The following MAPK8 variants were observed in gnomAD, a reference collection of about 807,000 sequenced individuals.
The protein encoded by MAPK8 is JUN N-terminal kinase.
A neutral mutation model predicts 52.9 loss-of-function variants in MAPK8; 13 were observed. The observed-to-expected ratio is 0.25, with a 90% CI of 0.16 to 0.39. The LOEUF (loss-of-function observed/expected upper bound fraction) is 0.39. Among genes scored for constraint, MAPK8 ranks in the 10% least tolerant of loss-of-function variants. MAPK8 has a pLI of 1.00. For synonymous variants in MAPK8, 191 were observed against 169.8 expected, an observed-to-expected ratio of 1.12 and a Z score of -0.97; for missense variants, 300 against 519.2, an observed-to-expected ratio of 0.58 and a Z score of 4.10.
intron 1 of MAPK8, among the ~76,000 whole-genome samples, chr10:48,325,177 T>C (rs560091514): frequency 6.6e-6 from 1 of 152,106 alleles, no homozygotes; most frequent in Non-Finnish European, 1.5e-5. Context: ...GGTTTCACCA[T>C]ATTGGCCAGG....
intron 1 of MAPK8, among the ~76,000 whole-genome samples, chr10:48,334,118 G>A (rs937851615): frequency 5.3e-5 from 8 of 152,144 alleles, no homozygotes; most frequent in Non-Finnish European, 1.0e-4. Context: ...GCTGCAGGAC[G>A]GCTCCACAGA....
chr10:48,390,858 T>TG (rs1789448595), intron 1 of MAPK8, among the ~76,000 whole-genome samples: 2 of 152,254 alleles, frequency 1.3e-5, no homozygotes, highest in South Asian at 4.1e-4. Flanking sequence ...GTTCTAACTC[T>TG]GTGAAGAGCC....
chr10:48,418,397 TA>T (rs1310251981), intron 5 of MAPK8, among the ~76,000 whole-genome samples: 1 of 152,178 alleles, frequency 6.6e-6, no homozygotes, highest in African/African-American at 2.4e-5. Flanking sequence ...GACTCAGGCT[TA>T]TTTCCTTTGC....
chr10:48,334,838 A>G (rs1844519957), intron 1 of MAPK8, among the ~76,000 whole-genome samples: 1 of 152,152 alleles, frequency 6.6e-6, no homozygotes, highest in Non-Finnish European at 1.5e-5. Context: ...GTAGGCACAC[A>G]CACCCACGGC....
intron 1 of MAPK8, among the ~76,000 whole-genome samples, chr10:48,323,621 G>A (rs1564480127): frequency 6.6e-6 from 1 of 152,118 alleles, no homozygotes; most frequent in Admixed American, 6.5e-5. Context: ...AAGAGTTTTT[G>A]TTTTTGATTC....
At chr10:48,429,793 T>C (rs1334962800) in intron 10 of MAPK8, 1 of 152,206 alleles carries the variant, frequency 6.6e-6, no homozygotes, top group African/African-American at 2.4e-5. Context: ...TTGTTTTACC[T>C]TATTACCAAT....
At chr10:48,333,577 G>C (rs1222016308) in intron 1 of MAPK8, among the ~76,000 whole-genome samples, 23 of 152,232 alleles carry the variant, frequency 1.5e-4, no homozygotes, top group Non-Finnish European at 3.4e-4. Flanking sequence ...ATGAGGGCCT[G>C]GTTTAGCTCT....
At chr10:48,318,852 AAG>A (rs1215267010) in intron 1 of MAPK8, among the ~76,000 whole-genome samples, 3 of 152,240 alleles carry the variant, frequency 2.0e-5, no homozygotes, top group Non-Finnish European at 4.4e-5. Context: ...GTAACAGGCT[AAG>A]TTTGCTTGTC....
chr10:48,407,155 C>T (rs570924170), intron 3 of MAPK8, among the ~76,000 whole-genome samples: 47 of 152,168 alleles, frequency 3.1e-4, no homozygotes, highest in Non-Finnish European at 5.4e-4. Flanking sequence ...TCTGACTTTT[C>T]ACTTGTGGGC....
intron 1 of MAPK8, among the ~76,000 whole-genome samples, chr10:48,369,391 A>G (rs1229809035): frequency 1.3e-5 from 2 of 152,156 alleles, no homozygotes; most frequent in Admixed American, 6.6e-5. Context: ...GATGATAGCA[A>G]TCCCTGAGCT....
At chr10:48,372,675 GAA>G (rs906470647) in intron 1 of MAPK8, among the ~76,000 whole-genome samples, 6 of 138,048 alleles carry the variant, frequency 4.3e-5, no homozygotes, top group Admixed American at 2.2e-4. Flanking sequence ...AGATTAGAGA[GAA>G]AAAAAAAAAG....
At chr10:48,389,552 ATCTTTCTCTTTC>A (rs1462186834) in intron 1 of MAPK8, among the ~76,000 whole-genome samples, 1 of 152,186 alleles carries the variant, frequency 6.6e-6, no homozygotes, top group Admixed American at 6.5e-5. Context: ...AAGATTAATC[ATCTTTCTCTTTC>A]TCTTTCTCTC....
At chr10:48,379,747 A>G (rs1402171584) in intron 1 of MAPK8, among the ~76,000 whole-genome samples, 2 of 152,118 alleles carry the variant, frequency 1.3e-5, no homozygotes, top group African/African-American at 4.8e-5. Context: ...TTGGCTTAGC[A>G]ATCTTCATTA....
At chr10:48,390,857 C>T (rs2041585349) in intron 1 of MAPK8, among the ~76,000 whole-genome samples, 1 of 152,166 alleles carries the variant, frequency 6.6e-6, no homozygotes. Context: ...TGTTCTAACT[C>T]TGTGAAGAGC....
At position 48,319,248 on chromosome 10, in the gene MAPK8, T is replaced by G. The variant is rs952673020; in HGVS notation, c.-50+12427T>G. Among the ~76,000 whole-genome samples, 4 of 152,346 alleles carry G rather than the reference T, an allele frequency of 2.6e-5. No individual in the cohort carries two copies. The East Asian group carries it at 7.7e-4, about 29-fold the overall frequency. ...GAATTTTTTAACGGTTTTATTGAGA[T>G]ATAATTCACATACCATTATAGTTAT... On this transcript the variant is annotated intron_variant, in intron 1 of 11. Transcript: ENST00000374189.
At chr10:48,323,556 A>T (rs549419258) in intron 1 of MAPK8, among the ~76,000 whole-genome samples, 1 of 152,202 alleles carries the variant, frequency 6.6e-6, no homozygotes, top group Non-Finnish European at 1.5e-5. Flanking sequence ...AATGATACTG[A>T]TTTTGATTTA....
At chr10:48,380,051 G>A (rs914830709) in intron 1 of MAPK8, among the ~76,000 whole-genome samples, 1 of 151,272 alleles carries the variant, frequency 6.6e-6, no homozygotes, top group Non-Finnish European at 1.5e-5. Context: ...AGACCAGCCT[G>A]ACCAACATGA....
At position 48,343,052 on chromosome 10, in the gene MAPK8, A is replaced by G. The variant is rs915959842; in HGVS notation, c.-50+36231A>G. 2.0e-4 allele frequency among the ~76,000 whole-genome samples: 30 copies of G among 152,348 alleles called. 1 individual carries two copies. The highest frequency in any genetic ancestry group is 1.4e-3 in the Admixed American group (22 of 15,304). The stretch of plus-strand genomic sequence containing the variant: ...AAGAACTGATTTCAGCAAACCTAGG[A>G]CAGTGAATTATTAAAGAAGTTACCG... On this transcript the variant is annotated intron_variant, in intron 1 of 11. Coordinates refer to ENST00000374189, the MANE Select transcript of MAPK8 (RefSeq NM_001323329.2).
Position 48,401,623 on chromosome 10 carries a change from AT to A in MAPK8, c.-33del. On this transcript the variant is annotated 5_prime_UTR_variant, in exon 2 of 12. Transcript: ENST00000374189. Reference sequence around the variant, plus strand: ...GTTGCATCTTGCAGCTTCTTGGTGAATTTTTGGATGAAGCCATTAAATTAAT... The same window carrying A: ...GTTGCATCTTGCAGCTTCTTGGTGAATTTTGGATGAAGCCATTAAATTAAT... 1 of 1,602,310 alleles carries A rather than the reference AT, an allele frequency of 6.2e-7. No individual in the cohort carries two copies. Among genetic ancestry groups the A allele is most frequent in the South Asian group, 1.1e-5 (1 of 88,546 alleles).
Sources: allele counts gnomAD v4.1 joint callset (sites outside exome capture counted in the v4.1 genomes callset), GRCh38; gene constraint gnomAD v4.1.1; transcripts MANE v1.5; gene names NCBI Gene and HGNC (gene_info 2026-07-23, HGNC 2026-07-21).